CALD1: variants seen among roughly 807,000 people sequenced by gnomAD.
CALD1 encodes the protein caldesmon.
In CALD1, 33 loss-of-function variants were observed where a neutral mutation model predicts 99.9. The observed-to-expected ratio is 0.33, with a 90% CI of 0.25 to 0.44. CALD1 has a LOEUF of 0.44. Among genes scored for constraint, CALD1 ranks in the 20% least tolerant of loss-of-function variants. CALD1 has a pLI of 1.00. For synonymous variants in CALD1, 310 were observed against 325.0 expected (o/e 0.95, Z 0.50); for missense variants, 861 against 962.1 (o/e 0.89, Z 1.39).
At chr7:134,835,166 G>A (rs1725291076) in intron 1 of CALD1, among the ~76,000 whole-genome samples, 1 of 152,192 alleles carries the variant, frequency 6.6e-6, no homozygotes, top group Admixed American at 6.5e-5. Flanking sequence ...ATTTTTTCAA[G>A]GCTACACATA....
At position 134,924,642 on chromosome 7, in the gene CALD1, T is replaced by C. The variant is rs150068824; in HGVS notation, c.72-4112T>C. Among the ~76,000 whole-genome samples, 273 of 152,326 alleles carry C rather than the reference T, an allele frequency of 1.8e-3. 1 individual carries two copies. Among genetic ancestry groups the C allele is most frequent in the African/African-American group, 6.3e-3 (260 of 41,580 alleles). On this transcript the variant is annotated intron_variant, in intron 3 of 14. Transcript: ENST00000361675. ...CCATGAAACCATTTTAGCTCTTTTT[T>C]TGTTCTTAACTTTGTAAATAATTTT...
At chr7:134,840,692 A>T (rs971089132) in intron 1 of CALD1, among the ~76,000 whole-genome samples, 2 of 152,194 alleles carry the variant, frequency 1.3e-5, no homozygotes, top group African/African-American at 4.8e-5. Flanking sequence ...TGCTCCATGT[A>T]TCCTGTCATG....
chr7:134,760,117 T>C (rs928827419), intron 1 of CALD1, among the ~76,000 whole-genome samples: 4 of 152,206 alleles, frequency 2.6e-5, no homozygotes, highest in Non-Finnish European at 5.9e-5. Flanking sequence ...GAGGCTACTC[T>C]GGCTAGAGCA....
Position 134,876,510 on chromosome 7 carries a change from C to T in CALD1, c.71+8706C>T, listed in dbSNP as rs988545100. Among the ~76,000 whole-genome samples the T allele has an allele frequency of 9.2e-5, 14 of 152,120 alleles. No homozygotes were observed. In the East Asian group the frequency reaches 1.7e-3, roughly 19 times the overall value. On this transcript the variant is annotated intron_variant, in intron 3 of 14. Coordinates refer to ENST00000361675, the MANE Select transcript of CALD1 (RefSeq NM_033138.4). Reference sequence around the variant, plus strand: ...ATAATGTTTCTAAATAAAGGAGATTCGGTCAGATTACAGTGAATAAAGTGA... The same window carrying T: ...ATAATGTTTCTAAATAAAGGAGATTTGGTCAGATTACAGTGAATAAAGTGA...
rs558451967 is a variant in CALD1, at chr7:134,836,953, A to C, written c.-129-6931A>C. Among the ~76,000 whole-genome samples, 25 of 152,326 alleles carry C rather than the reference A, an allele frequency of 1.6e-4. 1 individual carries two copies. The South Asian group carries it at 4.1e-3, about 25-fold the overall frequency. On this transcript the variant is annotated intron_variant, in intron 1 of 14. Transcript: ENST00000361675. ...ATTCAATGATTGTCCAAGAGAAAGG[A>C]GAAAAGGCTGCAATGATTAGGCACC...
chr7:134,866,185 C>A (rs1174418030), intron 2 of CALD1, among the ~76,000 whole-genome samples: 1 of 152,132 alleles, frequency 6.6e-6, no homozygotes, highest in Non-Finnish European at 1.5e-5. Flanking sequence ...TTAGGGAACT[C>A]TCAAATCACT....
Position 134,920,346 on chromosome 7 carries a change from G to T in CALD1, c.72-8408G>T, listed in dbSNP as rs79351110. 36 of 163,752 alleles carry T rather than the reference G, an allele frequency of 2.2e-4. No homozygotes were observed. The East Asian group carries it at 9.8e-3, about 45-fold the overall frequency. 10.1% of individuals were successfully genotyped at this position (163,752 alleles called of 1,614,324 possible). On this transcript the variant is annotated intron_variant, in intron 3 of 14. Coordinates refer to ENST00000361675, the MANE Select transcript of CALD1 (RefSeq NM_033138.4). The stretch of plus-strand genomic sequence containing the variant: ...CATTTTGCCTCCAAATAGTTGATAA[G>T]CATGTTTCTAACCTACATGAGGTTT...
rs188112353 is a variant in CALD1, at chr7:134,920,840, G to A, written c.72-7914G>A. Reference sequence around the variant, plus strand: ...GTTCTTTTTCAAAATATAGGAATGTGCAGAAACAATTAAGGAAAACAGACT... The same window carrying A: ...GTTCTTTTTCAAAATATAGGAATGTACAGAAACAATTAAGGAAAACAGACT... On this transcript the variant is annotated intron_variant, in intron 3 of 14. Coordinates refer to ENST00000361675, the MANE Select transcript of CALD1 (RefSeq NM_033138.4). The A allele has an allele frequency of 4.0e-5, 18 of 451,796 alleles. No homozygotes were observed. In the East Asian group the frequency reaches 1.1e-3, roughly 29 times the overall value. 28.0% of individuals were successfully genotyped at this position (451,796 alleles called of 1,614,324 possible).
At chr7:134,916,655 C>G (rs937560684) in intron 3 of CALD1, among the ~76,000 whole-genome samples, 1 of 152,244 alleles carries the variant, frequency 6.6e-6, no homozygotes, top group Non-Finnish European at 1.5e-5. Flanking sequence ...ACCACTTTCC[C>G]TTGCAGGGAT....
At chr7:134,744,329 C>A (rs1796616231) in exon 1 of CALD1, 2 of 152,140 alleles carry the variant, frequency 1.3e-5, no homozygotes, top group Non-Finnish European at 2.9e-5. Context: ...CTCTAGATGT[C>A]TCTGATGGGA....
intron 3 of CALD1, among the ~76,000 whole-genome samples, chr7:134,910,815 T>C (rs1167263129): frequency 2.6e-5 from 4 of 152,204 alleles, no homozygotes; most frequent in African/African-American, 9.6e-5. Flanking sequence ...AAGTAAAATA[T>C]CCATTTTCCA....
intron 1 of CALD1, among the ~76,000 whole-genome samples, chr7:134,801,882 G>A (rs1797957204): frequency 6.6e-6 from 1 of 152,126 alleles, no homozygotes; most frequent in Admixed American, 6.5e-5. Context: ...GCCTCCCAAA[G>A]TGCTGGGATT....
At chr7:134,803,365 A>G (rs1217398930) in intron 1 of CALD1, among the ~76,000 whole-genome samples, 1 of 152,124 alleles carries the variant, frequency 6.6e-6, no homozygotes, top group African/African-American at 2.4e-5. Flanking sequence ...TTTGATAAAC[A>G]AAAGTTTTAT....
At chr7:134,888,387 GGTA>G (rs1801981189) in intron 3 of CALD1, among the ~76,000 whole-genome samples, 1 of 152,164 alleles carries the variant, frequency 6.6e-6, no homozygotes, top group African/African-American at 2.4e-5. Context: ...CTGGACACTG[GGTA>G]CCATTCTCTG....
In CALD1 at chr7:134,920,471, A is replaced by C. The variant is rs574881903; in HGVS notation, c.72-8283A>C. The stretch of plus-strand genomic sequence containing the variant: ...AATCAAATAAAAGTAATTGACTAAG[A>C]AGTCATCCTTTTTTGAGGCTGTGAG... On this transcript the variant is annotated intron_variant, in intron 3 of 14. Transcript: ENST00000361675. 154 of 1,076,334 alleles carry C rather than the reference A, an allele frequency of 1.4e-4. No homozygotes were observed. In the African/African-American group the frequency reaches 2.1e-3, roughly 15 times the overall value. The allele number at this position is 1,076,334 out of a possible 1,614,324, so 66.7% of individuals were successfully genotyped here.
intron 3 of CALD1, among the ~76,000 whole-genome samples, chr7:134,910,620 A>G (rs1803733228): frequency 6.6e-6 from 1 of 152,124 alleles, no homozygotes; most frequent in Admixed American, 6.5e-5. Flanking sequence ...ATCACATGAC[A>G]ATAAAAAAGA....
At position 134,969,309 on chromosome 7, in the gene CALD1, T is replaced by A. The variant is rs1808894931; in HGVS notation, c.*964T>A. On this transcript the variant is annotated 3_prime_UTR_variant, in exon 15 of 15. Coordinates refer to ENST00000361675, the MANE Select transcript of CALD1 (RefSeq NM_033138.4). ...AGGAGTTGAAATTTTCTAAAAGACA[T>A]AGTATTTAGTTTATAATTAAATGCA... The A allele has an allele frequency of 6.6e-6, 1 of 152,216 alleles. No individual in the cohort carries two copies. The highest frequency in any genetic ancestry group is 2.1e-4 in the South Asian group (1 of 4,836). 9.4% of individuals were successfully genotyped at this position (152,216 alleles called of 1,614,324 possible).
At chr7:134,774,590 C>G (rs1051623321) in intron 1 of CALD1, among the ~76,000 whole-genome samples, 2 of 152,332 alleles carry the variant, frequency 1.3e-5, no homozygotes, top group African/African-American at 4.8e-5. Context: ...GGACTTCTAA[C>G]TATTCCTTAC....
intron 11 of CALD1, 36 bp from the exon 12 acceptor site, chr7:134,959,938 C>G (rs1808122546): frequency 6.2e-7 from 1 of 1,607,634 alleles, no homozygotes. Flanking sequence ...AACAAACTTC[C>G]CAGCACCAAT....
Sources: gnomAD v4.1 joint callset for allele counts (sites outside exome capture counted in the v4.1 genomes callset) on GRCh38, gnomAD v4.1.1 for gene constraint, MANE v1.5 for transcripts, NCBI Gene and HGNC (gene_info 2026-07-23, HGNC 2026-07-21) for gene names.